Variants in ATG10 observed in about 807,000 individuals in gnomAD.
ATG10 encodes the protein autophagy related 10.
In ATG10, 30 loss-of-function variants were observed where a neutral mutation model predicts 32.1. The observed-to-expected ratio is 0.94, with a 90% CI of 0.70 to 1.27. The LOEUF (loss-of-function observed/expected upper bound fraction) is 1.27. Among genes scored for constraint, ATG10 ranks in the 50% most tolerant of loss-of-function variants. ATG10 has a pLI of 0.00. For synonymous variants in ATG10, 87 were observed against 91.5 expected (o/e 0.95, Z 0.28); for missense variants, 233 against 262.3 (o/e 0.89, Z 0.77).
intron 5 of ATG10, among the ~76,000 whole-genome samples, chr5:82,215,974 A>G (rs1561361729): frequency 6.6e-6 from 1 of 152,196 alleles, no homozygotes. Flanking sequence ...ATTGTAATAA[A>G]TAATGACCTT....
chr5:82,153,172 C>A (rs766659930), intron 3 of ATG10, among the ~76,000 whole-genome samples: 1 of 152,114 alleles, frequency 6.6e-6, no homozygotes, highest in Non-Finnish European at 1.5e-5. Context: ...TTTTCTCCCA[C>A]GCTCTCTGTA....
intron 3 of ATG10, among the ~76,000 whole-genome samples, chr5:82,155,623 T>A (rs1424162935): frequency 3.3e-5 from 5 of 152,146 alleles, no homozygotes; most frequent in African/African-American, 1.2e-4. Context: ...ACTAGAGATA[T>A]AAGAAAAATT....
intron 1 of ATG10, among the ~76,000 whole-genome samples, chr5:81,981,862 A>C (rs986499062): frequency 6.6e-6 from 1 of 152,202 alleles, no homozygotes; most frequent in Non-Finnish European, 1.5e-5. Context: ...ATTGTTTTCA[A>C]TTAAAAAGGA....
intron 2 of ATG10, among the ~76,000 whole-genome samples, chr5:81,990,361 A>G (rs1417803794): frequency 6.6e-6 from 1 of 151,980 alleles, no homozygotes; most frequent in Non-Finnish European, 1.5e-5. Flanking sequence ...CTTAAGCTGG[A>G]GGCAAGATGA....
chr5:82,070,564 G>A (rs571537307), intron 3 of ATG10, among the ~76,000 whole-genome samples: 6 of 152,006 alleles, frequency 3.9e-5, no homozygotes, highest in African/African-American at 1.4e-4. Context: ...GCTTCTCTCT[G>A]AACATTCTTT....
At chr5:82,201,180 C>T (rs939152111) in intron 5 of ATG10, among the ~76,000 whole-genome samples, 9 of 151,984 alleles carry the variant, frequency 5.9e-5, no homozygotes, top group Admixed American at 3.3e-4. Context: ...CCACCTTGCC[C>T]GGCCTAAAAA....
intron 3 of ATG10, among the ~76,000 whole-genome samples, chr5:82,098,635 A>G (rs1765156350): frequency 6.6e-6 from 1 of 152,142 alleles, no homozygotes; most frequent in Non-Finnish European, 1.5e-5. Context: ...ACCACTGCAA[A>G]CAAAGGGGTT....
At chr5:82,033,762 ATG>A (rs952580888) in intron 2 of ATG10, among the ~76,000 whole-genome samples, 2 of 147,344 alleles carry the variant, frequency 1.4e-5, no homozygotes, top group Non-Finnish European at 1.5e-5. Context: ...ACACACACAT[ATG>A]TGTGTATATA....
intron 5 of ATG10, among the ~76,000 whole-genome samples, chr5:82,181,206 A>G (rs776084490): frequency 2.0e-5 from 3 of 152,154 alleles, no homozygotes; most frequent in Non-Finnish European, 2.9e-5. Flanking sequence ...CAACACAACT[A>G]TAAAACTTAG....
At chr5:82,026,175 T>C (rs530870338) in intron 2 of ATG10, among the ~76,000 whole-genome samples, 1 of 152,260 alleles carries the variant, frequency 6.6e-6, no homozygotes, top group African/African-American at 2.4e-5. Flanking sequence ...CAACCACCAT[T>C]CTACTTTATG....
At chr5:82,197,173 C>T (rs1744885354) in intron 5 of ATG10, among the ~76,000 whole-genome samples, 1 of 152,002 alleles carries the variant, frequency 6.6e-6, no homozygotes, top group Non-Finnish European at 1.5e-5. Flanking sequence ...AAATTGTTTT[C>T]TTAATTTCAT....
chr5:82,138,889 C>G (rs1239825636), intron 3 of ATG10, among the ~76,000 whole-genome samples: 2 of 119,384 alleles, frequency 1.7e-5, no homozygotes, highest in Admixed American at 1.8e-4. Flanking sequence ...CTCTCCCTCT[C>G]CCTCTCATGC....
intron 3 of ATG10, among the ~76,000 whole-genome samples, chr5:82,098,759 T>C (rs1765160225): frequency 6.6e-6 from 1 of 152,180 alleles, no homozygotes; most frequent in Non-Finnish European, 1.5e-5. Context: ...GGAGAAACAG[T>C]CATAGCTGCT....
intron 2 of ATG10, among the ~76,000 whole-genome samples, chr5:82,030,253 C>T (rs1762709270): frequency 6.6e-6 from 1 of 152,134 alleles, no homozygotes; most frequent in Non-Finnish European, 1.5e-5. Flanking sequence ...AATATTTAGT[C>T]TGCAGCAGCC....
At chr5:82,224,531 C>T (rs1385118941) in intron 5 of ATG10, among the ~76,000 whole-genome samples, 2 of 151,966 alleles carry the variant, frequency 1.3e-5, no homozygotes, top group South Asian at 2.1e-4. Flanking sequence ...GACTATGAAT[C>T]GGGTATTTGC....
chr5:82,176,437 A>G (rs1744027550), intron 4 of ATG10, among the ~76,000 whole-genome samples: 1 of 152,182 alleles, frequency 6.6e-6, no homozygotes, highest in South Asian at 2.1e-4. Flanking sequence ...ATCCTACTAC[A>G]GGTATTTGTT....
intron 5 of ATG10, among the ~76,000 whole-genome samples, chr5:82,241,734 A>G (rs1270273418): frequency 2.0e-5 from 3 of 151,904 alleles, no homozygotes; most frequent in African/African-American, 4.8e-5. Context: ...TCCCTTACCA[A>G]TTTACCTAAA....
intron 5 of ATG10, among the ~76,000 whole-genome samples, chr5:82,229,986 G>T (rs1445117959): frequency 6.6e-6 from 1 of 152,170 alleles, no homozygotes; most frequent in African/African-American, 2.4e-5. Flanking sequence ...CCCTGCACTG[G>T]TCAATCTGAA....
intron 4 of ATG10, among the ~76,000 whole-genome samples, chr5:82,172,518 T>G (rs1203045941): frequency 1.3e-5 from 2 of 152,162 alleles, no homozygotes; most frequent in African/African-American, 4.8e-5. Context: ...AAATTATATA[T>G]CTAGATCTTC....
Sources: gnomAD v4.1 joint callset for allele counts (sites outside exome capture counted in the v4.1 genomes callset) on GRCh38, gnomAD v4.1.1 for gene constraint, MANE v1.5 for transcripts, NCBI Gene and HGNC (gene_info 2026-07-23, HGNC 2026-07-21) for gene names.